The following PHAX variants were observed in gnomAD, a reference collection of about 807,000 sequenced individuals.
PHAX encodes phosphorylated adapter RNA export protein.
Under a neutral mutation model 41.6 loss-of-function variants are expected in PHAX, and 31 were observed. That is an observed-to-expected ratio of 0.75 (90% CI 0.56 to 1.01). The LOEUF (loss-of-function observed/expected upper bound fraction) is 1.01. PHAX is among the 50% of genes least tolerant of loss of function. PHAX has a pLI of 0.00. For missense variants in PHAX, 453 were observed against 472.9 expected, an observed-to-expected ratio of 0.96 and a Z score of 0.39; for synonymous variants, 175 against 164.9, an observed-to-expected ratio of 1.06 and a Z score of -0.47.
At chr5:126,618,893 G>A (rs989466842) in intron 4 of PHAX, among the ~76,000 whole-genome samples, 3 of 151,880 alleles carry the variant, frequency 2.0e-5, no homozygotes, top group Non-Finnish European at 2.9e-5. Context: ...TCCTGACCTC[G>A]TGATCTGCCT....
chr5:126,623,443 T>A (rs1289360930), intron 4 of PHAX, among the ~76,000 whole-genome samples: 1 of 152,062 alleles, frequency 6.6e-6, no homozygotes, highest in African/African-American at 2.4e-5. Context: ...ACGAAATGAG[T>A]TAATGTGTGT....
intron 1 of PHAX, 139 bp from the exon 2 acceptor site, chr5:126,603,431 G>A: frequency 1.1e-6 from 1 of 900,862 alleles, no homozygotes; most frequent in Non-Finnish European, 1.7e-6. Context: ...AGAAAAGTAG[G>A]AACTTGATTG....
intron 2 of PHAX, among the ~76,000 whole-genome samples, 177 bp downstream of exon 2, chr5:126,604,360 G>A (rs1473965000): frequency 7.6e-6 from 1 of 131,912 alleles, no homozygotes; most frequent in Non-Finnish European, 1.5e-5. Flanking sequence ...CCGCCTCCTC[G>A]CTCAAGGGAT....
chr5:126,623,579 TTCC>T (rs1415445440), intron 4 of PHAX, among the ~76,000 whole-genome samples: 1 of 152,178 alleles, frequency 6.6e-6, no homozygotes, highest in African/African-American at 2.4e-5. Flanking sequence ...CCCTCCTCAG[TTCC>T]TCCTCTTTAG....
In PHAX at chr5:126,600,948, G is replaced by GCGCAC; in HGVS notation, c.-11_-7dup. The GCGCAC allele has an allele frequency of 3.1e-6, 5 of 1,589,778 alleles. No individual in the cohort carries two copies. Among genetic ancestry groups the GCGCAC allele is most frequent in the East Asian group, 2.3e-5 (1 of 43,290 alleles). ...TCCTGACCCGCCGCTGTGCAGCGCA[G>GCGCAC]CGCACCGCGGGAAGATGGCGTTGGA... On this transcript the variant is annotated 5_prime_UTR_variant, in exon 1 of 5. Coordinates refer to ENST00000297540, the MANE Select transcript of PHAX (RefSeq NM_032177.4).
At chr5:126,618,536 T>A (rs1181981972) in intron 4 of PHAX, among the ~76,000 whole-genome samples, 6 of 152,134 alleles carry the variant, frequency 3.9e-5, no homozygotes, top group African/African-American at 1.4e-4. Flanking sequence ...AAGAATATAT[T>A]TTATATACTT....
intron 3 of PHAX, among the ~76,000 whole-genome samples, chr5:126,611,950 A>G (rs1752109683): frequency 6.6e-6 from 1 of 151,832 alleles, no homozygotes; most frequent in South Asian, 2.1e-4. Context: ...AGGTGAAGCA[A>G]TGAATACTGC....
At chr5:126,607,498 G>C (rs1424401363) in intron 2 of PHAX, among the ~76,000 whole-genome samples, 1 of 148,902 alleles carries the variant, frequency 6.7e-6, no homozygotes, top group East Asian at 2.0e-4. Context: ...TCAGCCTCAG[G>C]GTTCAAGCAA....
intron 1 of PHAX, among the ~76,000 whole-genome samples, chr5:126,601,390 G>A (rs767865054): frequency 2.0e-5 from 3 of 152,190 alleles, no homozygotes; most frequent in Admixed American, 6.5e-5. Flanking sequence ...CCTCTTAGAC[G>A]TCTCACCTCC....
At chr5:126,607,388 CTTTTTTT>C (rs58375322) in intron 2 of PHAX, among the ~76,000 whole-genome samples, 37 of 85,388 alleles carry the variant, frequency 4.3e-4, no homozygotes, top group African/African-American at 1.6e-3. Context: ...GGTCTGAATT[CTTTTTTT>C]TTTTTTTTTT....
chr5:126,606,181 GGTTT>G (rs1028259836), intron 2 of PHAX, among the ~76,000 whole-genome samples: 3 of 151,444 alleles, frequency 2.0e-5, no homozygotes, highest in Non-Finnish European at 4.4e-5. Flanking sequence ...TTGTGTGTGT[GGTTT>G]GTTTTTTTGA....
chr5:126,604,242 A>G, intron 2 of PHAX, 59 bp downstream of exon 2: 1 of 1,389,010 alleles, frequency 7.2e-7, no homozygotes, highest in Non-Finnish European at 9.7e-7. Flanking sequence ...ACAGGAAATA[A>G]AATGAATGCC....
intron 2 of PHAX, among the ~76,000 whole-genome samples, chr5:126,607,510 TCTC>T (rs530657964): frequency 4.2e-4 from 64 of 150,650 alleles, no homozygotes; most frequent in African/African-American, 1.4e-3. Flanking sequence ...TTCAAGCAAT[TCTC>T]CTGCCTCAGC....
chr5:126,623,015 A>G (rs1279130220), intron 4 of PHAX, among the ~76,000 whole-genome samples: 1 of 151,644 alleles, frequency 6.6e-6, no homozygotes, highest in East Asian at 1.9e-4. Context: ...AGTTCCAGCT[A>G]CTCTAGAGGC....
chr5:126,609,368 T>C (rs1752043231), intron 3 of PHAX, among the ~76,000 whole-genome samples: 1 of 152,072 alleles, frequency 6.6e-6, no homozygotes, highest in Admixed American at 6.6e-5. Context: ...CCCAAAGTGC[T>C]GGGATTACAG....
chr5:126,613,767 C>CT (rs1752143047), intron 3 of PHAX, among the ~76,000 whole-genome samples: 1 of 144,370 alleles, frequency 6.9e-6, no homozygotes, highest in Admixed American at 7.0e-5. Context: ...TTTTCTTTTT[C>CT]TTTCTTTCTT....
intron 2 of PHAX, among the ~76,000 whole-genome samples, chr5:126,607,388 CTTTTTTTTTTTT>C (rs58375322): frequency 5.5e-4 from 47 of 85,384 alleles, no homozygotes; most frequent in Non-Finnish European, 6.6e-4. Context: ...GGTCTGAATT[CTTTTTTTTTTTT>C]TTTTTTTTTT....
At chr5:126,624,028 A>ATTTTT (rs1752311031) in intron 4 of PHAX, among the ~76,000 whole-genome samples, 1 of 93,510 alleles carries the variant, frequency 1.1e-5, no homozygotes, top group African/African-American at 5.9e-5. Context: ...TTTTTTTTTG[A>ATTTTT]GACACAGTCT....
chr5:126,619,407 G>A (rs914025127), intron 4 of PHAX, among the ~76,000 whole-genome samples: 5 of 151,818 alleles, frequency 3.3e-5, no homozygotes, highest in Non-Finnish European at 5.9e-5. Context: ...GTGAAACCCC[G>A]ACCCTACTCA....
Sources: allele counts gnomAD v4.1 joint callset (sites outside exome capture counted in the v4.1 genomes callset), GRCh38; gene constraint gnomAD v4.1.1; transcripts MANE v1.5; gene names NCBI Gene and HGNC (gene_info 2026-07-23, HGNC 2026-07-21).